RNGTT: variants seen among roughly 807,000 people sequenced by gnomAD.
The protein encoded by RNGTT is RNA guanylyltransferase and 5'-phosphatase.
In RNGTT, 33 loss-of-function variants were observed where a neutral mutation model predicts 79.3. The observed-to-expected ratio is 0.42, with a 90% confidence interval of 0.32 to 0.56. The LOEUF is 0.56. Ranked by LOEUF, RNGTT falls within the 20% of genes least tolerant of loss-of-function variation. The probability of loss-of-function intolerance (pLI) is 0.17; values close to 1 mark genes in which losing one functional copy is unlikely to be tolerated. For synonymous variants in RNGTT, 222 were observed against 235.9 expected (o/e 0.94, Z 0.54); for missense variants, 497 against 739.1 (o/e 0.67, Z 3.80).
At chr6:88,890,460 G>A (rs1783008937) in intron 8 of RNGTT, 35 bp downstream of exon 8, 1 of 1,301,822 alleles carries the variant, frequency 7.7e-7, no homozygotes, top group Non-Finnish European at 1.1e-6. Flanking sequence ...AAGCATTAGG[G>A]TTATTTGTGT....
intron 10 of RNGTT, 57 bp from the exon 11 acceptor site, chr6:88,844,578 A>G: frequency 6.7e-7 from 1 of 1,494,682 alleles, no homozygotes; most frequent in Non-Finnish European, 9.2e-7. Flanking sequence ...TTATCAGCAT[A>G]ATTATCAAGG....
At chr6:88,787,207 G>C (rs906925040) in intron 12 of RNGTT, among the ~76,000 whole-genome samples, 1 of 152,044 alleles carries the variant, frequency 6.6e-6, no homozygotes, top group African/African-American at 2.4e-5. Flanking sequence ...AGTTATTTTT[G>C]AATCAACAGC....
intron 14 of RNGTT, among the ~76,000 whole-genome samples, chr6:88,632,351 AC>A (rs1286304225): frequency 6.6e-6 from 1 of 152,148 alleles, no homozygotes; most frequent in African/African-American, 2.4e-5. Flanking sequence ...CAGAACTAGC[AC>A]CAGGGTCCAG....
chr6:88,638,558 A>C (rs762632242), intron 14 of RNGTT, among the ~76,000 whole-genome samples: 3 of 152,192 alleles, frequency 2.0e-5, no homozygotes, highest in Admixed American at 6.5e-5. Flanking sequence ...ACCTAATTGT[A>C]AAGAAAATTT....
chr6:88,898,618 T>C (rs1783332728), intron 6 of RNGTT, among the ~76,000 whole-genome samples: 1 of 151,042 alleles, frequency 6.6e-6, no homozygotes, highest in Non-Finnish European at 1.5e-5. Flanking sequence ...TACTTTTATA[T>C]AGGACTTAAT....
intron 14 of RNGTT, among the ~76,000 whole-genome samples, chr6:88,651,805 A>C (rs1460355912): frequency 1.3e-5 from 2 of 152,066 alleles, no homozygotes; most frequent in South Asian, 4.1e-4. Flanking sequence ...TTTACTGGCT[A>C]ATAACACTTA....
chr6:88,913,264 C>A (rs1783895280), intron 4 of RNGTT, among the ~76,000 whole-genome samples: 2 of 150,592 alleles, frequency 1.3e-5, no homozygotes, highest in South Asian at 4.2e-4. Flanking sequence ...GGATTCCCAG[C>A]CCAATTCTAC....
chr6:88,669,381 T>C (rs1182203801), intron 14 of RNGTT, among the ~76,000 whole-genome samples: 1 of 152,202 alleles, frequency 6.6e-6, no homozygotes, highest in East Asian at 1.9e-4. Context: ...TGCCCATGGA[T>C]CCAGTTCCTG....
rs80165536 is a variant in RNGTT at position 88,614,454 on chromosome 6, A to G, written c.1507-59T>C. On this transcript the variant is annotated intron_variant, in intron 14 of 15. Coordinates refer to ENST00000369485, the MANE Select transcript of RNGTT (RefSeq NM_003800.5). ...ATAACTTGAAAGGCTTTTTGCTTCT[A>G]CTATGTGACAGGCACATTAGGAAAT... 4.1e-3 allele frequency: 6,252 copies of G among 1,522,720 alleles called. 211 individuals carry two copies. In the African/African-American group the frequency reaches 0.075, roughly 18 times the overall value. The allele number at this position is 1,522,720 out of a possible 1,614,324, so 94.3% of individuals were successfully genotyped here.
intron 14 of RNGTT, among the ~76,000 whole-genome samples, chr6:88,626,288 A>G (rs1010324741): frequency 6.6e-6 from 1 of 152,040 alleles, no homozygotes; most frequent in African/African-American, 2.4e-5. Flanking sequence ...TTTATTAACA[A>G]AATTTGAATT....
At chr6:88,707,655 A>C (rs1776175623) in intron 13 of RNGTT, among the ~76,000 whole-genome samples, 1 of 151,532 alleles carries the variant, frequency 6.6e-6, no homozygotes, top group African/African-American at 2.4e-5. Flanking sequence ...AATGCCACAC[A>C]CTATGCATAA....
rs562093099 is a variant in RNGTT, at chr6:88,738,866, A to C, written c.1439+30908T>G. On this transcript the variant is annotated intron_variant, in intron 13 of 15. Transcript: ENST00000369485. Reference sequence around the variant, plus strand: ...CACACACACACACACACACACACACACACCCCTTCCAAAACAGGAAGAAAT... The same window carrying C: ...CACACACACACACACACACACACACCCACCCCTTCCAAAACAGGAAGAAAT... 2.0e-3 allele frequency among the ~76,000 whole-genome samples: 303 copies of C among 151,322 alleles called. 1 individual carries two copies. Among genetic ancestry groups the C allele is most frequent in the African/African-American group, 7.1e-3 (293 of 41,040 alleles).
At chr6:88,844,107 A>G (rs1562281887) in intron 11 of RNGTT, among the ~76,000 whole-genome samples, 1 of 152,098 alleles carries the variant, frequency 6.6e-6, no homozygotes, top group Non-Finnish European at 1.5e-5. Flanking sequence ...AGTATGACCA[A>G]TGACCATGAA....
intron 14 of RNGTT, among the ~76,000 whole-genome samples, chr6:88,640,385 A>AT (rs1562164261): frequency 0.016 from 1,628 of 99,742 alleles, 28 homozygotes; most frequent in African/African-American, 0.057. Context: ...CCCTGTCTCT[A>AT]CAAAAAAAAA....
chr6:88,934,693 T>C (rs1784613695), intron 2 of RNGTT, among the ~76,000 whole-genome samples: 1 of 152,156 alleles, frequency 6.6e-6, no homozygotes, highest in South Asian at 2.1e-4. Context: ...CAGGCTGGAG[T>C]ACAGTGGTGT....
At chr6:88,891,343 C>T (rs1487722401) in intron 7 of RNGTT, among the ~76,000 whole-genome samples, 1 of 152,068 alleles carries the variant, frequency 6.6e-6, no homozygotes, top group African/African-American at 2.4e-5. Flanking sequence ...GACCTGAGAG[C>T]AACAGATAAG....
At chr6:88,824,844 G>C (rs766196232) in intron 11 of RNGTT, among the ~76,000 whole-genome samples, 5 of 150,558 alleles carry the variant, frequency 3.3e-5, no homozygotes, top group Non-Finnish European at 7.4e-5. Context: ...CTGGGTCCAA[G>C]AGATTCTCCT....
intron 14 of RNGTT, among the ~76,000 whole-genome samples, chr6:88,616,191 T>C (rs1481370152): frequency 1.3e-5 from 2 of 152,238 alleles, no homozygotes; most frequent in African/African-American, 4.8e-5. Flanking sequence ...ATTCTTTCTT[T>C]TTAAAGGTAG....
rs142645412 is a variant in RNGTT, at chr6:88,629,977, T to C, written c.1507-15582A>G. On this transcript the variant is annotated intron_variant, in intron 14 of 15. Coordinates refer to ENST00000369485, the MANE Select transcript of RNGTT (RefSeq NM_003800.5). ...ACTCCCTGACTATAAGAAATCACCA[T>C]GTGAGTCTTTGAAGAATGCGCCCCC... Among the ~76,000 whole-genome samples, 57 of 152,222 alleles carry C rather than the reference T, an allele frequency of 3.7e-4. 1 individual carries two copies. The highest frequency in any genetic ancestry group is 7.7e-4 in the African/African-American group (32 of 41,538).
Sources: gnomAD v4.1 joint callset for allele counts (sites outside exome capture counted in the v4.1 genomes callset) on GRCh38, gnomAD v4.1.1 for gene constraint, MANE v1.5 for transcripts, NCBI Gene and HGNC (gene_info 2026-07-23, HGNC 2026-07-21) for gene names.